The following ADD2 variants were observed in gnomAD, a reference collection of about 807,000 sequenced individuals.
ADD2 encodes the protein beta-adducin.
A neutral mutation model predicts 83.0 loss-of-function variants in ADD2; 23 were observed. That is an observed-to-expected ratio of 0.28 (90% CI 0.20 to 0.39). The LOEUF is 0.39. ADD2 is among the 10% of genes least tolerant of loss of function. The pLI, the probability that ADD2 is intolerant of heterozygous loss-of-function variation, is 1.00. For missense variants in ADD2, 758 were observed against 944.9 expected (o/e 0.80, Z 2.59); for synonymous variants, 375 against 375.4 (o/e 1.00, Z 0.01).
intron 10 of ADD2, among the ~76,000 whole-genome samples, chr2:70,681,772 C>A (rs782618854): frequency 1.3e-5 from 2 of 151,578 alleles, no homozygotes; most frequent in Non-Finnish European, 2.9e-5. Context: ...TGCTTCATTG[C>A]CTTGGATTGA....
At chr2:70,671,798 G>T (rs897609269) in intron 15 of ADD2, among the ~76,000 whole-genome samples, 1 of 152,116 alleles carries the variant, frequency 6.6e-6, no homozygotes, top group South Asian at 2.1e-4. Context: ...TCAGGGTTGG[G>T]GGATTCTATC....
At chr2:70,708,691 G>A (rs1553374980) in intron 2 of ADD2, among the ~76,000 whole-genome samples, 1 of 152,126 alleles carries the variant, frequency 6.6e-6, no homozygotes, top group Non-Finnish European at 1.5e-5. Flanking sequence ...CATTAAGTTT[G>A]GCCTAAAGCT....
At chr2:70,690,763 T>C in intron 8 of ADD2, 23 bp downstream of exon 8, 1 of 1,601,274 alleles carries the variant, frequency 6.2e-7, no homozygotes, top group Non-Finnish European at 8.5e-7. Flanking sequence ...TCTAGATTAT[T>C]GTCCCAGAAG....
chr2:70,731,051 T>G (rs529130339), intron 1 of ADD2, among the ~76,000 whole-genome samples: 1 of 152,342 alleles, frequency 6.6e-6, no homozygotes, highest in East Asian at 1.9e-4. Context: ...ATGAGACAGC[T>G]TTCTTCCTGG....
chr2:70,681,071 G>C (rs531771725), intron 10 of ADD2, among the ~76,000 whole-genome samples: 7 of 152,242 alleles, frequency 4.6e-5, no homozygotes, highest in African/African-American at 1.7e-4. Context: ...TAAAATGTAG[G>C]CATAGTTAAA....
At chr2:70,750,841 A>G (rs1266898158) in intron 1 of ADD2, among the ~76,000 whole-genome samples, 1 of 152,208 alleles carries the variant, frequency 6.6e-6, no homozygotes, top group East Asian at 1.9e-4. Flanking sequence ...CTAAATTACT[A>G]TAATTTTTTC....
At chr2:70,674,985 T>C in intron 13 of ADD2, 160 bp from the exon 14 acceptor site, 1 of 1,348,290 alleles carries the variant, frequency 7.4e-7, no homozygotes, top group Non-Finnish European at 9.7e-7. Flanking sequence ...GTAGGGATTG[T>C]TCTTTCCTCC....
chr2:70,718,482 C>T lies in ADD2; in HGVS notation c.-153-5298G>A, dbSNP rs138382683. Among the ~76,000 whole-genome samples the T allele has an allele frequency of 3.3e-5, 5 of 152,328 alleles. No individual in the cohort carries two copies. In the East Asian group the frequency reaches 9.6e-4, roughly 29 times the overall value. ...ATTAACTGTTAAGGGCAACACACTA[C>T]AGGGCCCCAACAATGAATGCTGAGG... On this transcript the variant is annotated intron_variant, in intron 1 of 15. Transcript: ENST00000264436.
chr2:70,716,071 A>C (rs1553376307), intron 1 of ADD2, among the ~76,000 whole-genome samples: 1 of 152,034 alleles, frequency 6.6e-6, no homozygotes, highest in Non-Finnish European at 1.5e-5. Context: ...AACCTAGTCA[A>C]ATTTAGCCTT....
At position 70,660,673 on chromosome 2, in the gene ADD2, C is replaced by T. The variant is rs534726334; in HGVS notation, c.*2752G>A. ...AACCCCTGAGCTTCCACATCATGCT[C>T]TGGCAATGCCACGTTGCTCAGCGGA... On this transcript the variant is annotated 3_prime_UTR_variant, in exon 16 of 16. Transcript: ENST00000264436. The T allele has an allele frequency of 3.3e-5, 5 of 152,420 alleles. No homozygotes were observed. Among genetic ancestry groups the T allele is most frequent in the Middle Eastern group, 3.4e-3 (1 of 294 alleles). 9.4% of individuals were successfully genotyped at this position (152,420 alleles called of 1,614,324 possible). A position where few individuals can be genotyped will look rare whatever the true frequency, so the allele number is the denominator to read the frequency against.
intron 2 of ADD2, among the ~76,000 whole-genome samples, chr2:70,710,500 G>A (rs375886011): frequency 6.6e-6 from 1 of 152,218 alleles, no homozygotes; most frequent in East Asian, 1.9e-4. Flanking sequence ...GAGGTACTCC[G>A]ATGGGGGTGG....
chr2:70,762,763 T>C (rs1309936642), intron 1 of ADD2, among the ~76,000 whole-genome samples: 1 of 150,490 alleles, frequency 6.6e-6, no homozygotes, highest in East Asian at 1.9e-4. Flanking sequence ...TGGAGTGCAA[T>C]GGTGTGATCT....
chr2:70,705,118 G>A (rs1671814587), intron 3 of ADD2, among the ~76,000 whole-genome samples: 1 of 152,150 alleles, frequency 6.6e-6, no homozygotes, highest in Non-Finnish European at 1.5e-5. Flanking sequence ...TACTGCCTGA[G>A]CCCTGAAATC....
intron 9 of ADD2, among the ~76,000 whole-genome samples, chr2:70,684,749 T>A (rs1468181361): frequency 6.6e-6 from 1 of 151,940 alleles, no homozygotes; most frequent in Non-Finnish European, 1.5e-5. Context: ...TGTGCAGGGG[T>A]GAGAGTTCCC....
chr2:70,692,767 G>A (rs1163715512), intron 6 of ADD2, among the ~76,000 whole-genome samples: 13 of 152,198 alleles, frequency 8.5e-5, no homozygotes, highest in Non-Finnish European at 5.9e-5. Flanking sequence ...AATTCAGCAG[G>A]AGAAATGCGA....
chr2:70,746,471 C>A (rs1256605628), intron 1 of ADD2, among the ~76,000 whole-genome samples: 1 of 152,164 alleles, frequency 6.6e-6, no homozygotes, highest in African/African-American at 2.4e-5. Context: ...AGCATTAACC[C>A]TTTAGTCCCC....
chr2:70,715,696 C>T (rs1238734746), intron 1 of ADD2, among the ~76,000 whole-genome samples: 3 of 152,158 alleles, frequency 2.0e-5, no homozygotes, highest in South Asian at 2.1e-4. Context: ...CCTGCAGCCT[C>T]GTTAAAAATC....
chr2:70,763,816 G>A (rs1675239056), intron 1 of ADD2, among the ~76,000 whole-genome samples: 1 of 151,810 alleles, frequency 6.6e-6, no homozygotes, highest in Non-Finnish European at 1.5e-5. Context: ...CAGCTAGTAA[G>A]TAGAAAAATA....
At chr2:70,701,963 G>A (rs533871568) in intron 4 of ADD2, among the ~76,000 whole-genome samples, 1 of 152,114 alleles carries the variant, frequency 6.6e-6, no homozygotes, top group Admixed American at 6.5e-5. Context: ...CCTACTATGT[G>A]CCAGATACAT....
Sources: allele counts gnomAD v4.1 joint callset (sites outside exome capture counted in the v4.1 genomes callset), GRCh38; gene constraint gnomAD v4.1.1; transcripts MANE v1.5; gene names NCBI Gene and HGNC (gene_info 2026-07-23, HGNC 2026-07-21).